ZNF385B: variants seen among roughly 807,000 people sequenced by gnomAD.
ZNF385B encodes the protein zinc finger protein 533.
ZNF385B carries 23 observed loss-of-function variants against 39.2 expected under a neutral mutation model. The observed-to-expected ratio is 0.59, with a 90% CI of 0.42 to 0.83. The LOEUF (loss-of-function observed/expected upper bound fraction) is 0.83, where lower values mean the gene tolerates loss of function less well. Ranked by LOEUF, ZNF385B falls within the 40% of genes least tolerant of loss-of-function variation. ZNF385B has a pLI of 0.00. For missense variants in ZNF385B, 552 were observed against 598.9 expected (o/e 0.92, Z 0.82); for synonymous variants, 205 against 222.6 (o/e 0.92, Z 0.70).
At chr2:179,817,171 T>C (rs1426413477) in intron 1 of ZNF385B, among the ~76,000 whole-genome samples, 2 of 152,196 alleles carry the variant, frequency 1.3e-5, no homozygotes, top group African/African-American at 2.4e-5. Flanking sequence ...AAATACTAAA[T>C]TGTATCATTG....
chr2:179,802,245 C>G (rs1235943913), intron 1 of ZNF385B, among the ~76,000 whole-genome samples: 3 of 152,122 alleles, frequency 2.0e-5, no homozygotes, highest in African/African-American at 7.2e-5. Flanking sequence ...TCTTCACACT[C>G]TTCCTTATGC....
intron 3 of ZNF385B, among the ~76,000 whole-genome samples, chr2:179,600,794 G>A (rs1380674825): frequency 3.9e-5 from 6 of 152,102 alleles, no homozygotes; most frequent in Non-Finnish European, 8.8e-5. Flanking sequence ...CCAACCCCGT[G>A]TTATTTACTT....
intron 1 of ZNF385B, among the ~76,000 whole-genome samples, chr2:179,832,519 A>G (rs751642183): frequency 1.4e-4 from 21 of 152,204 alleles, no homozygotes; most frequent in Non-Finnish European, 2.6e-4. Context: ...AGGTTTTAGG[A>G]AAGGAAAGGG....
chr2:179,649,274 C>A (rs1290114317), intron 3 of ZNF385B, among the ~76,000 whole-genome samples: 1 of 152,178 alleles, frequency 6.6e-6, no homozygotes, highest in Non-Finnish European at 1.5e-5. Context: ...GACAATGACA[C>A]ATAATCAGTG....
At chr2:179,645,932 G>C (rs1344939738) in intron 3 of ZNF385B, among the ~76,000 whole-genome samples, 2 of 152,134 alleles carry the variant, frequency 1.3e-5, no homozygotes, top group Admixed American at 6.5e-5. Flanking sequence ...CTGATGATGA[G>C]AGTGGCTCAC....
chr2:179,827,124 G>A (rs1707723017), intron 1 of ZNF385B, among the ~76,000 whole-genome samples: 1 of 152,168 alleles, frequency 6.6e-6, no homozygotes, highest in Non-Finnish European at 1.5e-5. Context: ...ACTTTATTAA[G>A]CACTAGAAAT....
chr2:179,768,973 G>A (rs559052043), intron 3 of ZNF385B, among the ~76,000 whole-genome samples: 18 of 152,330 alleles, frequency 1.2e-4, no homozygotes, highest in Non-Finnish European at 2.1e-4. Context: ...GGCAATGCCT[G>A]TTCCTATTGT....
At chr2:179,719,791 T>C (rs1453974516) in intron 3 of ZNF385B, among the ~76,000 whole-genome samples, 1 of 152,220 alleles carries the variant, frequency 6.6e-6, no homozygotes, top group Non-Finnish European at 1.5e-5. Flanking sequence ...AGAAATGAGA[T>C]CTCACAAATA....
At chr2:179,782,236 C>G (rs1575481158) in intron 1 of ZNF385B, among the ~76,000 whole-genome samples, 1 of 152,094 alleles carries the variant, frequency 6.6e-6, no homozygotes, top group South Asian at 2.1e-4. Flanking sequence ...AGAAAAAACA[C>G]ATGATTATCT....
At chr2:179,522,475 T>C (rs571591455) in intron 4 of ZNF385B, among the ~76,000 whole-genome samples, 26 of 152,142 alleles carry the variant, frequency 1.7e-4, no homozygotes, top group Middle Eastern at 3.4e-3. Flanking sequence ...AACATTATCA[T>C]AAATCTTAAA....
intron 5 of ZNF385B, among the ~76,000 whole-genome samples, chr2:179,488,277 T>G (rs13418388): frequency 0.019 from 2,864 of 152,290 alleles, 87 homozygotes; most frequent in African/African-American, 0.065. Context: ...CCTGAGTAGC[T>G]GGGACTACAG....
rs1276438413 is a variant in ZNF385B, at chr2:179,643,590, G to A, written c.299-98621C>T. Among the ~76,000 whole-genome samples the A allele has an allele frequency of 2.6e-5, 4 of 152,246 alleles. No individual in the cohort carries two copies. The East Asian group carries it at 7.7e-4, about 29-fold the overall frequency. ...CAAGGATGAATCTCAAAGAGTTTGT[G>A]CTGAGCAAAAGAGGCCAGTTTCAAA... is the stretch of plus-strand genomic sequence containing the variant. On this transcript the variant is annotated intron_variant, in intron 3 of 9. Coordinates refer to ENST00000410066, the MANE Select transcript of ZNF385B (RefSeq NM_152520.6).
chr2:179,848,087 T>C (rs893765639), intron 1 of ZNF385B, among the ~76,000 whole-genome samples: 1 of 152,110 alleles, frequency 6.6e-6, no homozygotes, highest in African/African-American at 2.4e-5. Context: ...AGCCTGGATG[T>C]AGACTGATTC....
At chr2:179,506,137 G>C (rs2057236330) in intron 5 of ZNF385B, among the ~76,000 whole-genome samples, 1 of 152,114 alleles carries the variant, frequency 6.6e-6, no homozygotes, top group Non-Finnish European at 1.5e-5. Context: ...AATCCTTCAA[G>C]CTTGTTTCAG....
chr2:179,493,618 T>A (rs372362259), intron 5 of ZNF385B, among the ~76,000 whole-genome samples: 4 of 110,558 alleles, frequency 3.6e-5, no homozygotes, highest in African/African-American at 6.6e-5. Flanking sequence ...TGTACGTACA[T>A]ATATGTATAC....
chr2:179,819,592 T>G (rs1204093246), intron 1 of ZNF385B, among the ~76,000 whole-genome samples: 1 of 152,182 alleles, frequency 6.6e-6, no homozygotes, highest in Non-Finnish European at 1.5e-5. Context: ...CAGACAATCT[T>G]TACTTTTCCC....
At chr2:179,552,580 C>A (rs1392931133) in intron 3 of ZNF385B, among the ~76,000 whole-genome samples, 2 of 149,074 alleles carry the variant, frequency 1.3e-5, no homozygotes, top group Admixed American at 6.7e-5. Context: ...TCATTGCTTT[C>A]CCAGCTTTGT....
intron 3 of ZNF385B, among the ~76,000 whole-genome samples, chr2:179,666,692 T>C (rs538491182): frequency 9.8e-5 from 15 of 152,336 alleles, no homozygotes; most frequent in African/African-American, 3.4e-4. Flanking sequence ...ATTCTTTTAA[T>C]CTTTATTGAG....
rs1267405168 is a variant in ZNF385B, at chr2:179,526,363, G to A, written c.442-7725C>T. Among the ~76,000 whole-genome samples, 4 of 152,056 alleles carry A rather than the reference G, an allele frequency of 2.6e-5. No homozygotes were observed. The East Asian group carries it at 7.8e-4, about 29-fold the overall frequency. On this transcript the variant is annotated intron_variant, in intron 4 of 9. Coordinates refer to ENST00000410066, the MANE Select transcript of ZNF385B (RefSeq NM_152520.6). The stretch of plus-strand genomic sequence containing the variant: ...CCAGCACTTTGGGATGTTGAGGCAG[G>A]CGGATCACCTCAGGTCAGGAGTTCA...
Sources: gnomAD v4.1 joint callset for allele counts (sites outside exome capture counted in the v4.1 genomes callset) on GRCh38, gnomAD v4.1.1 for gene constraint, MANE v1.5 for transcripts, NCBI Gene and HGNC (gene_info 2026-07-23, HGNC 2026-07-21) for gene names.